The following ATP2C1 variants were observed in gnomAD, a reference collection of about 807,000 sequenced individuals.
ATP2C1 encodes ATPase secretory pathway Ca2+ transporting 1, also known as calcium-transporting ATPase type 2C member 1.
In ATP2C1, 31 loss-of-function variants were observed where a neutral mutation model predicts 120.5. The observed-to-expected ratio is 0.26, with a 90% CI of 0.19 to 0.35. The LOEUF (loss-of-function observed/expected upper bound fraction) is 0.35, where lower values mean the gene tolerates loss of function less well. Among genes scored for constraint, ATP2C1 ranks in the 10% least tolerant of loss-of-function variants. The probability of loss-of-function intolerance (pLI) is 1.00; values close to 1 mark genes in which losing one functional copy is unlikely to be tolerated. For synonymous variants in ATP2C1, 351 were observed against 358.7 expected (o/e 0.98, Z 0.24); for missense variants, 731 against 1,107.5 (o/e 0.66, Z 4.83).
chr3:130,937,663 G>C (rs1439436515), intron 6 of ATP2C1, among the ~76,000 whole-genome samples, 200 bp downstream of exon 6: 1 of 152,160 alleles, frequency 6.6e-6, no homozygotes, highest in Non-Finnish European at 1.5e-5. Context: ...TTTGATTTAG[G>C]TAGTGAGATG....
At position 130,967,514 on chromosome 3, in the gene ATP2C1, T is replaced by G. The variant is rs530853457; in HGVS notation, c.1308+95T>G. Reference sequence around the variant, plus strand: ...TTTCAGTATTACTGGTTTTTAGGTATTGAGTGAAAAAAACTCATACTATTT... The same window carrying G: ...TTTCAGTATTACTGGTTTTTAGGTAGTGAGTGAAAAAAACTCATACTATTT... On this transcript the variant is annotated intron_variant, in intron 16 of 27. Transcript: ENST00000510168. 5 of 1,057,236 alleles carry G rather than the reference T, an allele frequency of 4.7e-6. No homozygotes were observed. In the African/African-American group the frequency reaches 7.9e-5, roughly 17 times the overall value. 65.5% of individuals were successfully genotyped at this position (1,057,236 alleles called of 1,614,324 possible). A position where few individuals can be genotyped will look rare whatever the true frequency, so the allele number is the denominator to read the frequency against.
rs1294277928 is a variant in ATP2C1, at chr3:130,980,636, T to C, written c.1796T>C (p.Ile599Thr). ...KTSQSVSGEE[I>T]DAMDVQQLSQ... is the part of the protein sequence containing the mutation. ...TCCCAGTCAGTCTCAGGAGAAGAAA[T>C]AGATGCAATGGATGTTCAGCAGCTT... The change falls in exon 20 of 28, where the codon ATA becomes ACA. Residue 599 changes from isoleucine (I) to threonine (T), a missense_variant. Physicochemically the swap from Ile to Thr is moderately conservative, Grantham distance 89. This residue lies in a region of ATP2C1 where 571 missense variants were observed against 845.9 expected (regional missense o/e 0.67). Transcript: ENST00000510168. The C allele has an allele frequency of 1.2e-6, 2 of 1,613,350 alleles. No homozygotes were observed. Among genetic ancestry groups the C allele is most frequent in the Non-Finnish European group, 1.7e-6 (2 of 1,179,512 alleles).
At chr3:130,929,932 G>T in intron 2 of ATP2C1, 1 of 232,808 alleles carries the variant, frequency 4.3e-6, no homozygotes, top group Non-Finnish European at 8.5e-6. Context: ...CTTAAAGTCT[G>T]ACTTGTTGTC....
At chr3:130,948,113 G>C (rs1356909613) in intron 8 of ATP2C1, among the ~76,000 whole-genome samples, 1 of 152,058 alleles carries the variant, frequency 6.6e-6, no homozygotes, top group Admixed American at 6.6e-5. Context: ...CAATAATACT[G>C]ACTTTTATGT....
At chr3:130,964,202 G>A (rs2060950476) in intron 13 of ATP2C1, 107 bp downstream of exon 13, 9 of 1,526,306 alleles carry the variant, frequency 5.9e-6, no homozygotes, top group African/African-American at 4.1e-5. Context: ...GCATAATGAT[G>A]TTTGGCTTAT....
intron 19 of ATP2C1, 54 bp from the exon 20 acceptor site, chr3:130,980,528 C>G (rs2061708653): frequency 7.8e-7 from 1 of 1,286,440 alleles, no homozygotes; most frequent in South Asian, 1.2e-5. Context: ...CGTTGACTAG[C>G]CTGTCAAGCA....
Position 130,979,338 on chromosome 3 carries a change from G to C in ATP2C1, c.1660G>C (p.Glu554Gln), listed in dbSNP as rs201861630. ...TGATCCACCTAGAACTGGTGTGAAA[G>C]AAGCTGTTACAACACTCATTGCCTC... ...IIDPPRTGVK[E>Q]AVTTLIASGV... is the part of the protein sequence containing the mutation. The change falls in exon 19 of 28, where the codon GAA becomes CAA. Residue 554 changes from glutamate to glutamine, a missense_variant. Around this residue, in one of 3 missense-constraint regions of ATP2C1, gnomAD observed 571 missense variants for 845.9 expected, o/e 0.67. Coordinates refer to ENST00000510168, the MANE Select transcript of ATP2C1 (RefSeq NM_001378687.1). The C allele has an allele frequency of 1.2e-6, 2 of 1,613,698 alleles. No homozygotes were observed. Among genetic ancestry groups the C allele is most frequent in the Non-Finnish European group, 1.7e-6 (2 of 1,179,758 alleles).
chr3:130,967,892 T>C (rs2061124142), intron 16 of ATP2C1, among the ~76,000 whole-genome samples: 1 of 152,218 alleles, frequency 6.6e-6, no homozygotes, highest in Admixed American at 6.5e-5. Context: ...ATAATTTGTT[T>C]TGGGGAGAAG....
At chr3:130,930,392 T>A in intron 2 of ATP2C1, 24 bp from the exon 3 acceptor site, 1 of 1,441,232 alleles carries the variant, frequency 6.9e-7, no homozygotes, top group Non-Finnish European at 9.8e-7. Flanking sequence ...ATTCAAATAT[T>A]TTTTCTTTGG....
chr3:130,990,485 A>C (rs1188481626), intron 20 of ATP2C1, among the ~76,000 whole-genome samples: 1 of 152,172 alleles, frequency 6.6e-6, no homozygotes, highest in African/African-American at 2.4e-5. Flanking sequence ...AGGCCAATGT[A>C]GTTCAGTCAG....
chr3:130,921,079 CTTTTTTTTT>C (rs1170193033), intron 2 of ATP2C1, among the ~76,000 whole-genome samples: 3 of 128,562 alleles, frequency 2.3e-5, no homozygotes, highest in African/African-American at 9.0e-5. Context: ...AGTTTTCTTT[CTTTTTTTTT>C]TTTTTTTTTT....
At chr3:130,959,229 G>A (rs2060713571) in intron 11 of ATP2C1, 46 bp from the exon 12 acceptor site, 1 of 1,403,256 alleles carries the variant, frequency 7.1e-7, no homozygotes, top group Non-Finnish European at 1.0e-6. Flanking sequence ...TTCCTTCTAG[G>A]TGATTGTATG....
At chr3:130,972,176 A>G (rs2061346221) in intron 17 of ATP2C1, among the ~76,000 whole-genome samples, 1 of 152,116 alleles carries the variant, frequency 6.6e-6, no homozygotes, top group Middle Eastern at 3.2e-3. Context: ...TGCTTCTATG[A>G]GAATCTCAGG....
chr3:130,967,590 G>A (rs892045655), intron 16 of ATP2C1, among the ~76,000 whole-genome samples, 171 bp downstream of exon 16: 2 of 152,020 alleles, frequency 1.3e-5, no homozygotes, highest in African/African-American at 4.8e-5. Flanking sequence ...TAAATGTAAA[G>A]TATAGACTTT....
chr3:130,915,009 G>A (rs2058616801), intron 2 of ATP2C1, among the ~76,000 whole-genome samples: 1 of 152,100 alleles, frequency 6.6e-6, no homozygotes, highest in South Asian at 2.1e-4. Context: ...TTGGATGACA[G>A]GAGGGTTCCT....
At position 130,894,149 on chromosome 3, in the gene ATP2C1, T is replaced by C; in HGVS notation, c.-369T>C. The C allele has an allele frequency of 1.4e-6, 1 of 694,858 alleles. No homozygotes were observed. Among genetic ancestry groups the C allele is most frequent in the Non-Finnish European group, 1.8e-6 (1 of 565,212 alleles). The allele number at this position is 694,858 out of a possible 1,614,324, so 43.0% of individuals were successfully genotyped here. ...ACGGGTCCCCTCACCTCCTCTTCTC[T>C]CCCCTCCCCGCCCGCCCTCTCTCCC... On this transcript the variant is annotated 5_prime_UTR_variant, in exon 1 of 28. Coordinates refer to ENST00000510168, the MANE Select transcript of ATP2C1 (RefSeq NM_001378687.1). The surrounding 1 kb of genome is among the most constrained non-coding windows in gnomAD (Gnocchi z 4.5).
At chr3:130,992,281 G>C (rs748912855) in intron 20 of ATP2C1, among the ~76,000 whole-genome samples, 2 of 151,574 alleles carry the variant, frequency 1.3e-5, no homozygotes, top group Non-Finnish European at 2.9e-5. Flanking sequence ...TATTTGAGGA[G>C]GTTATAGGGA....
At chr3:130,960,323 A>G (rs761298325) in intron 12 of ATP2C1, among the ~76,000 whole-genome samples, 1 of 152,174 alleles carries the variant, frequency 6.6e-6, no homozygotes, top group African/African-American at 2.4e-5. Flanking sequence ...CCATGTAGCA[A>G]TTCACTCAAG....
At chr3:130,942,607 G>T (rs992522699) in intron 8 of ATP2C1, among the ~76,000 whole-genome samples, 1 of 152,124 alleles carries the variant, frequency 6.6e-6, no homozygotes, top group Non-Finnish European at 1.5e-5. Flanking sequence ...AACAAACTTG[G>T]CTTAATCTTT....
Sources: gnomAD v4.1 joint callset for allele counts (sites outside exome capture counted in the v4.1 genomes callset) on GRCh38, gnomAD v4.1.1 for gene constraint, gnomAD v4.1.1 regional missense constraint, Gnocchi (gnomAD v3.1) non-coding constraint, MANE v1.5 for transcripts, NCBI Gene and HGNC (gene_info 2026-07-23, HGNC 2026-07-21) for gene names.